The following PAX6 variants were observed in gnomAD, a reference collection of about 807,000 sequenced individuals.
PAX6 encodes the protein paired box protein Pax-6.
PAX6 carries 7 observed loss-of-function variants against 60.7 expected under a neutral mutation model. The ratio of observed to expected loss-of-function variants is 0.12; its 90% CI spans 0.07 to 0.22. The LOEUF is 0.22. Among genes scored for constraint, PAX6 ranks in the 10% least tolerant of loss-of-function variants. The pLI, the probability that PAX6 is intolerant of heterozygous loss-of-function variation, is 1.00. For missense variants in PAX6, 355 were observed against 555.2 expected, an observed-to-expected ratio of 0.64 and a Z score of 3.62; for synonymous variants, 208 against 201.2, an observed-to-expected ratio of 1.03 and a Z score of -0.29.
chr11:31,806,250 G>C (rs1380723446), intron 4 of PAX6, 152 bp downstream of exon 4: 4 of 742,698 alleles, frequency 5.4e-6, no homozygotes, highest in Non-Finnish European at 4.2e-6. Flanking sequence ...CGGGCTGCCG[G>C]GCGCGGAGCG....
chr11:31,816,357 C>T (rs938724734), intron 1 of PAX6: 4 of 563,532 alleles, frequency 7.1e-6, no homozygotes, highest in African/African-American at 3.8e-5. Context: ...CCTCCGATCA[C>T]GAAGGGCACG....
chr11:31,816,421 G>A, intron 1 of PAX6: 2 of 631,336 alleles, frequency 3.2e-6, no homozygotes, highest in Admixed American at 2.3e-5. Context: ...GCGGAGCGAG[G>A]ACTCTGGTCA....
chr11:31,811,096 G>A lies in PAX6; in HGVS notation c.-317+19C>T. 2.5e-6 allele frequency: 1 copy of A among 399,164 alleles called. No homozygotes were observed. The highest frequency in any genetic ancestry group is 4.4e-6 in the Non-Finnish European group (1 of 226,152). 24.7% of individuals were successfully genotyped at this position (399,164 alleles called of 1,614,324 possible). On this transcript the variant is annotated intron_variant, in intron 1 of 13. Coordinates refer to ENST00000640368, the MANE Select transcript of PAX6 (RefSeq NM_001368894.2). ...GAGATAAAGAGTGTGGGTGAGGGAA[G>A]TGGCTGCAGCCAGCACACCTATGCT...
intron 8 of PAX6, among the ~76,000 whole-genome samples, chr11:31,795,141 G>A (rs1951116711): frequency 6.6e-6 from 1 of 152,178 alleles, no homozygotes; most frequent in Admixed American, 6.5e-5. Flanking sequence ...CTATGGCTGT[G>A]TTGGGAAAAT....
At position 31,789,038 on chromosome 11, in the gene PAX6, G is replaced by A; in HGVS notation, c.*896C>T. ...CAAAACACTTAAGTTTAAAACTCTT[G>A]CAAGCACTTTTAATTGATTAGGAAT... On this transcript the variant is annotated 3_prime_UTR_variant, in exon 14 of 14. Coordinates refer to ENST00000640368, the MANE Select transcript of PAX6 (RefSeq NM_001368894.2). 5.0e-6 allele frequency: 1 copy of A among 201,334 alleles called. No homozygotes were observed. Among genetic ancestry groups the A allele is most frequent in the East Asian group, 7.8e-5 (1 of 12,842 alleles). 12.5% of individuals were successfully genotyped at this position (201,334 alleles called of 1,614,324 possible).
At chr11:31,797,507 GAAAAA>G (rs36004875) in intron 8 of PAX6, among the ~76,000 whole-genome samples, 1 of 101,400 alleles carries the variant, frequency 9.9e-6, no homozygotes, top group African/African-American at 3.8e-5. Flanking sequence ...TTTAAATCTG[GAAAAA>G]AAAAAAAAAA....
At position 31,806,416 on chromosome 11, in the gene PAX6, G is replaced by T. The variant is rs761226699; in HGVS notation, c.-5C>A. ...GAGGCACTTACTGTTCTGCATGCTG[G>T]CTCTGGCTGGGGGCCGCGGGATTCC... On this transcript the variant is annotated 5_prime_UTR_variant, in exon 4 of 14. Coordinates refer to ENST00000640368, the MANE Select transcript of PAX6 (RefSeq NM_001368894.2). The T allele has an allele frequency of 7.5e-6, 12 of 1,609,962 alleles. No individual in the cohort carries two copies. Among genetic ancestry groups the T allele is most frequent in the Non-Finnish European group, 1.0e-5 (12 of 1,178,310 alleles).
rs56139994 is a variant in PAX6 at position 31,810,819 on chromosome 11, C to T, written c.-129+9G>A. The T allele has an allele frequency of 0.035, 13,901 of 399,078 alleles. 291 individuals carry two copies. Among genetic ancestry groups the T allele is most frequent in the Non-Finnish European group, 0.043 (9,716 of 226,082 alleles). 24.7% of individuals were successfully genotyped at this position (399,078 alleles called of 1,614,324 possible). On this transcript the variant is annotated intron_variant, in intron 2 of 13. Transcript: ENST00000640368. ...TAAAAATAAAGCGAGAAGAAAGAAG[C>T]GGACTCACCTTTATGAGGCATCCTT...
At chr11:31,801,342 C>A in intron 7 of PAX6, 1 of 1,453,888 alleles carries the variant, frequency 6.9e-7, no homozygotes, top group South Asian at 1.4e-5. Flanking sequence ...TTGCAGCATG[C>A]AAATGAAGTG....
In PAX6 at chr11:31,795,526, T is replaced by G. The variant is rs774233530; in HGVS notation, c.566-738A>C. On this transcript the variant is annotated intron_variant, in intron 8 of 13. Coordinates refer to ENST00000640368, the MANE Select transcript of PAX6 (RefSeq NM_001368894.2). Reference sequence around the variant, plus strand: ...TGTAATGTGTTGCACCAGAGAAAAGTAAGATTTCTTTTAAATTTTTAACGT... The same window carrying G: ...TGTAATGTGTTGCACCAGAGAAAAGGAAGATTTCTTTTAAATTTTTAACGT... 1.3e-4 allele frequency among the ~76,000 whole-genome samples: 20 copies of G among 152,216 alleles called. 1 individual carries two copies. The highest frequency in any genetic ancestry group is 1.3e-4 in the Non-Finnish European group (9 of 68,028).
At chr11:31,798,217 G>A (rs1952294619) in intron 8 of PAX6, among the ~76,000 whole-genome samples, 2 of 149,668 alleles carry the variant, frequency 1.3e-5, no homozygotes, top group Non-Finnish European at 3.0e-5. Context: ...GGGGTGGGGT[G>A]AGGGGAGGAG....
chr11:31,816,635 C>A, intron 1 of PAX6: 3 of 702,414 alleles, frequency 4.3e-6, no homozygotes, highest in Non-Finnish European at 7.8e-6. Flanking sequence ...AGGATCCCGG[C>A]CCAGGTAAGG....
intron 8 of PAX6, among the ~76,000 whole-genome samples, chr11:31,795,368 A>G (rs1171955425): frequency 1.3e-5 from 2 of 152,264 alleles, no homozygotes; most frequent in Non-Finnish European, 2.9e-5. Flanking sequence ...CTGCAGTTTT[A>G]TTCAACTATT....
chr11:31,801,257 A>G, intron 7 of PAX6: 1 of 1,378,662 alleles, frequency 7.3e-7, no homozygotes, highest in Non-Finnish European at 9.4e-7. Flanking sequence ...CAGGTGGATT[A>G]GGACGAAGTT....
intron 5 of PAX6, 55 bp from the exon 6 acceptor site, chr11:31,801,967 T>C: frequency 6.9e-7 from 1 of 1,443,498 alleles, no homozygotes; most frequent in Non-Finnish European, 9.7e-7. Flanking sequence ...AGAGAGCTTT[T>C]TTTCTTAAAA....
In PAX6 at chr11:31,789,817, T is replaced by G; in HGVS notation, c.*117A>C. The G allele has an allele frequency of 1.1e-6, 1 of 899,874 alleles. No homozygotes were observed. The highest frequency in any genetic ancestry group is 1.8e-6 in the Non-Finnish European group (1 of 554,344). The allele number at this position is 899,874 out of a possible 1,614,324, so 55.7% of individuals were successfully genotyped here. On this transcript the variant is annotated 3_prime_UTR_variant, in exon 14 of 14. Coordinates refer to ENST00000640368, the MANE Select transcript of PAX6 (RefSeq NM_001368894.2). ...ACAATACAGGACACAATTGTAGAAC[T>G]GAAGCGGCTCTAACAGCCATTTTTC...
chr11:31,814,801 GCCCAGAGCCTAGAAAAGCCAAGAAGAT>G (rs1565285893), upstream of PAX6: 1 of 152,506 alleles, frequency 6.6e-6, no homozygotes, highest in African/African-American at 2.4e-5. Context: ...GCCTCGCCGA[GCCCAGAGCCTAGAAAAGCCAAGAAGAT>G]CCCAGAGCCG....
chr11:31,793,294 T>C (rs777022239), intron 12 of PAX6, 144 bp downstream of exon 12: 2 of 739,666 alleles, frequency 2.7e-6, no homozygotes, highest in Middle Eastern at 2.3e-4. Context: ...GGATTGACTG[T>C]CTCCGACTTG....
intron 3 of PAX6, 113 bp downstream of exon 3, chr11:31,806,736 C>T (rs1364496308): frequency 2.6e-6 from 1 of 379,672 alleles, no homozygotes; most frequent in Non-Finnish European, 4.7e-6. Context: ...AGAAGCGATG[C>T]CCCAATTTTG....
Sources: gnomAD v4.1 joint callset for allele counts (sites outside exome capture counted in the v4.1 genomes callset) on GRCh38, gnomAD v4.1.1 for gene constraint, MANE v1.5 for transcripts, NCBI Gene and HGNC (gene_info 2026-07-23, HGNC 2026-07-21) for gene names.